PPP1R16B: variants seen among roughly 807,000 people sequenced by gnomAD.
The protein encoded by PPP1R16B is protein phosphatase 1 regulatory inhibitor subunit 16B.
PPP1R16B carries 14 observed loss-of-function variants against 61.7 expected under a neutral mutation model. The ratio of observed to expected loss-of-function variants is 0.23; its 90% CI spans 0.15 to 0.35. The LOEUF is 0.35. PPP1R16B is among the 10% of genes least tolerant of loss of function. PPP1R16B has a pLI of 1.00. For missense variants in PPP1R16B, 547 were observed against 752.5 expected (o/e 0.73, Z 3.19); for synonymous variants, 266 against 305.3 (o/e 0.87, Z 1.34).
intron 2 of PPP1R16B, among the ~76,000 whole-genome samples, chr20:38,848,950 C>T (rs916688975): frequency 2.6e-5 from 4 of 152,174 alleles, no homozygotes; most frequent in African/African-American, 9.7e-5. Context: ...ACTTGTACCC[C>T]TGAACTTAAA....
intron 2 of PPP1R16B, among the ~76,000 whole-genome samples, chr20:38,836,640 A>T (rs2294556): frequency 0.74 from 112,566 of 152,250 alleles, 41,891 homozygotes; most frequent in African/African-American, 0.83. Context: ...ATTACAGGCA[A>T]GAGCCGCAGC....
At chr20:38,895,959 T>TTCTTTCTTCCCTCCCTTCCTCCTTC (rs2085337983) in intron 4 of PPP1R16B, among the ~76,000 whole-genome samples, 3 of 30,380 alleles carry the variant, frequency 9.9e-5, no homozygotes, top group Non-Finnish European at 1.8e-4. Flanking sequence ...CTCCCTCCTT[T>TTCTTTCTTCCCTCCCTTCCTCCTTC]CTTCTTTCTT....
chr20:38,864,749 G>A (rs571442188), intron 2 of PPP1R16B, among the ~76,000 whole-genome samples: 2 of 152,322 alleles, frequency 1.3e-5, no homozygotes, highest in South Asian at 2.1e-4. Flanking sequence ...GGACTTGGGT[G>A]CACAGGGTGT....
At chr20:38,811,426 G>T (rs2084699946) in intron 1 of PPP1R16B, among the ~76,000 whole-genome samples, 1 of 152,174 alleles carries the variant, frequency 6.6e-6, no homozygotes, top group Admixed American at 6.5e-5. Flanking sequence ...GAAGAAATAA[G>T]TTGCTAATTT....
At chr20:38,897,069 C>T (rs1216416267) in intron 4 of PPP1R16B, among the ~76,000 whole-genome samples, 1 of 152,186 alleles carries the variant, frequency 6.6e-6, no homozygotes, top group African/African-American at 2.4e-5. Flanking sequence ...TCGCTTGAAC[C>T]CAGGAGGCGG....
intron 1 of PPP1R16B, among the ~76,000 whole-genome samples, chr20:38,825,334 G>GA (rs1275453490): frequency 1.3e-5 from 2 of 152,272 alleles, no homozygotes; most frequent in East Asian, 1.9e-4. Flanking sequence ...GTAGGAACTA[G>GA]AAAAAAACTG....
At chr20:38,838,789 C>A (rs960468814) in intron 2 of PPP1R16B, among the ~76,000 whole-genome samples, 3 of 152,224 alleles carry the variant, frequency 2.0e-5, no homozygotes, top group Admixed American at 2.0e-4. Flanking sequence ...CAGCCCCCTG[C>A]CCAGCCCCTA....
At chr20:38,872,557 C>A (rs1340690104) in intron 2 of PPP1R16B, among the ~76,000 whole-genome samples, 1 of 152,150 alleles carries the variant, frequency 6.6e-6, no homozygotes, top group Non-Finnish European at 1.5e-5. Flanking sequence ...CACCCCCCTC[C>A]TGCAGGGTTC....
chr20:38,861,807 G>C (rs55900878), intron 2 of PPP1R16B, among the ~76,000 whole-genome samples: 1 of 151,740 alleles, frequency 6.6e-6, no homozygotes, highest in African/African-American at 2.4e-5. Context: ...CTCCCGAGTA[G>C]CTGGGATTAC....
chr20:38,874,548 C>A (rs2145747584), intron 2 of PPP1R16B, among the ~76,000 whole-genome samples: 1 of 152,242 alleles, frequency 6.6e-6, no homozygotes. Flanking sequence ...ATACCAGGTG[C>A]AATGCTTAGG....
chr20:38,825,668 C>T (rs1242230527), intron 1 of PPP1R16B, among the ~76,000 whole-genome samples: 1 of 152,158 alleles, frequency 6.6e-6, no homozygotes, highest in African/African-American at 2.4e-5. Context: ...ATGGATGCCA[C>T]AGTGAGTTGT....
Position 38,807,975 on chromosome 20 carries a change from G to A in PPP1R16B, c.-102+2183G>A, listed in dbSNP as rs770208531. 6.6e-5 allele frequency among the ~76,000 whole-genome samples: 10 copies of A among 152,274 alleles called. No homozygotes were observed. In the South Asian group the frequency reaches 1.9e-3, roughly 28 times the overall value. On this transcript the variant is annotated intron_variant, in intron 1 of 10. Transcript: ENST00000299824. Reference sequence around the variant, plus strand: ...TGCCCACTCAGACTTTGCTCTCCCTGGTAATTGACGGAGTGGAGGTTAAAT... The same window carrying A: ...TGCCCACTCAGACTTTGCTCTCCCTAGTAATTGACGGAGTGGAGGTTAAAT...
intron 2 of PPP1R16B, among the ~76,000 whole-genome samples, chr20:38,867,461 G>A (rs1445169844): frequency 1.3e-5 from 2 of 152,020 alleles, no homozygotes; most frequent in Non-Finnish European, 2.9e-5. Context: ...GGTGAACTTG[G>A]GCAAACCATT....
intron 2 of PPP1R16B, among the ~76,000 whole-genome samples, chr20:38,846,842 C>T (rs546529574): frequency 1.9e-4 from 29 of 152,060 alleles, no homozygotes; most frequent in African/African-American, 6.0e-4. Flanking sequence ...CATATCTACA[C>T]GAAATTTAAA....
chr20:38,854,895 A>G lies in PPP1R16B; in HGVS notation c.250+18720A>G, dbSNP rs1364808026. On this transcript the variant is annotated intron_variant, in intron 2 of 10. Transcript: ENST00000299824. The stretch of plus-strand genomic sequence containing the variant: ...TTCTGCTCCCCACATTGCCATAACT[A>G]CTCCCATTTTCTCTATCTCTGTTTA... Among the ~76,000 whole-genome samples the G allele has an allele frequency of 1.3e-5, 2 of 151,666 alleles. 1 individual carries two copies. The highest frequency in any genetic ancestry group is 6.3e-3 in the Middle Eastern group (2 of 316).
At position 38,808,849 on chromosome 20, in the gene PPP1R16B, A is replaced by G. The variant is rs151019857; in HGVS notation, c.-102+3057A>G. Among the ~76,000 whole-genome samples, 342 of 152,202 alleles carry G rather than the reference A, an allele frequency of 2.2e-3. 4 individuals carry two copies. The highest frequency in any genetic ancestry group is 7.6e-3 in the African/African-American group (314 of 41,550). The stretch of plus-strand genomic sequence containing the variant: ...AGGAGTTCGAGACCAGCTGGCCAAC[A>G]TGGTGAAACCCCATCTCTACTAAAA... On this transcript the variant is annotated intron_variant, in intron 1 of 10. Coordinates refer to ENST00000299824, the MANE Select transcript of PPP1R16B (RefSeq NM_015568.4).
intron 1 of PPP1R16B, among the ~76,000 whole-genome samples, chr20:38,824,293 T>C (rs1484769709): frequency 6.6e-6 from 1 of 152,234 alleles, no homozygotes; most frequent in African/African-American, 2.4e-5. Context: ...ATTAAGCATG[T>C]TTTACTCTAT....
chr20:38,852,216 A>T (rs958549329), intron 2 of PPP1R16B, among the ~76,000 whole-genome samples: 1 of 152,196 alleles, frequency 6.6e-6, no homozygotes, highest in African/African-American at 2.4e-5. Flanking sequence ...GGGGACTTCA[A>T]CCCATCTTGG....
chr20:38,864,051 T>G (rs988743659), intron 2 of PPP1R16B, among the ~76,000 whole-genome samples: 2 of 152,186 alleles, frequency 1.3e-5, no homozygotes, highest in Admixed American at 1.3e-4. Flanking sequence ...ATGGATGAAC[T>G]TTGAAAACAC....
Sources: gnomAD v4.1 joint callset for allele counts (sites outside exome capture counted in the v4.1 genomes callset) on GRCh38, gnomAD v4.1.1 for gene constraint, MANE v1.5 for transcripts, NCBI Gene and HGNC (gene_info 2026-07-23, HGNC 2026-07-21) for gene names.